The following DPP10 variants were observed in gnomAD, a reference collection of about 807,000 sequenced individuals.
DPP10 encodes the protein inactive dipeptidyl peptidase 10.
In DPP10, 33 loss-of-function variants were observed where a neutral mutation model predicts 120.9. The observed-to-expected ratio is 0.27, with a 90% CI of 0.21 to 0.37. The LOEUF is 0.37. Ranked by LOEUF, DPP10 falls within the 10% of genes least tolerant of loss-of-function variation. The pLI is 1.00. For synonymous variants in DPP10, 337 were observed against 326.1 expected (o/e 1.03, Z -0.36); for missense variants, 816 against 942.8 (o/e 0.87, Z 1.76).
At chr2:115,101,077 T>A (rs2048670921) in intron 1 of DPP10, among the ~76,000 whole-genome samples, 1 of 152,174 alleles carries the variant, frequency 6.6e-6, no homozygotes, top group Non-Finnish European at 1.5e-5. Context: ...CCACCAGTCA[T>A]ATTTGTCCTC....
chr2:115,073,402 C>T (rs1370636479), intron 1 of DPP10, among the ~76,000 whole-genome samples: 4 of 152,166 alleles, frequency 2.6e-5, no homozygotes, highest in Admixed American at 6.5e-5. Flanking sequence ...GCCTGCCTGT[C>T]GCTAGGCGCA....
chr2:115,311,217 C>A lies in DPP10; in HGVS notation c.175+1864C>A, dbSNP rs559889710. Among the ~76,000 whole-genome samples the A allele has an allele frequency of 9.8e-5, 15 of 152,306 alleles. 1 individual carries two copies. In the South Asian group the frequency reaches 3.1e-3, roughly 32 times the overall value. On this transcript the variant is annotated intron_variant, in intron 2 of 25. Coordinates refer to ENST00000410059, the MANE Select transcript of DPP10 (RefSeq NM_020868.6). The stretch of plus-strand genomic sequence containing the variant: ...AATTTGGCAAGTTATTTAACCTTCT[C>A]TCTCACTTTACTCATCTGCATGATG...
chr2:115,049,964 T>A lies in DPP10; in HGVS notation c.61-259275T>A, dbSNP rs545856022. Among the ~76,000 whole-genome samples, 4 of 152,222 alleles carry A rather than the reference T, an allele frequency of 2.6e-5. No homozygotes were observed. The South Asian group carries it at 8.3e-4, about 32-fold the overall frequency. Reference sequence around the variant, plus strand: ...AATGAAGATTGGCTCACCTATCAGGTTATAATAATTTTTTTAACCACAACA... The same window carrying A: ...AATGAAGATTGGCTCACCTATCAGGATATAATAATTTTTTTAACCACAACA... On this transcript the variant is annotated intron_variant, in intron 1 of 25. Transcript: ENST00000410059.
chr2:115,522,668 A>G (rs964612608), intron 4 of DPP10, among the ~76,000 whole-genome samples: 2 of 152,156 alleles, frequency 1.3e-5, no homozygotes, highest in Non-Finnish European at 2.9e-5. Flanking sequence ...ATGCATTTTT[A>G]TGCCCTTTGT....
intron 1 of DPP10, among the ~76,000 whole-genome samples, chr2:114,570,836 T>TAAAAA (rs58796386): frequency 0.074 from 3,359 of 45,330 alleles, 1 homozygote; most frequent in Non-Finnish European, 0.12. Flanking sequence ...CTGTCTCAAA[T>TAAAAA]AAAAAAAAAA....
intron 1 of DPP10, among the ~76,000 whole-genome samples, chr2:114,519,759 G>T (rs1353594304): frequency 6.6e-6 from 1 of 152,140 alleles, no homozygotes; most frequent in Non-Finnish European, 1.5e-5. Context: ...CATCCACATA[G>T]CTGCATTGCC....
At chr2:114,994,457 G>A (rs151021137) in intron 1 of DPP10, among the ~76,000 whole-genome samples, 3 of 152,190 alleles carry the variant, frequency 2.0e-5, no homozygotes, top group African/African-American at 7.2e-5. Flanking sequence ...TTGATTGCCT[G>A]TGCTCATCCA....
intron 3 of DPP10, among the ~76,000 whole-genome samples, chr2:115,378,431 A>G (rs946729672): frequency 6.6e-6 from 1 of 151,636 alleles, no homozygotes; most frequent in African/African-American, 2.4e-5. Flanking sequence ...TAAGTTGCTT[A>G]TCAGCTTAAG....
intron 7 of DPP10, among the ~76,000 whole-genome samples, chr2:115,700,886 T>C (rs1323292771): frequency 6.6e-6 from 1 of 152,030 alleles, no homozygotes; most frequent in Admixed American, 6.6e-5. Flanking sequence ...CTCAGTCAAA[T>C]AGATGAAAGA....
chr2:115,368,569 T>G (rs1055974044), intron 3 of DPP10, among the ~76,000 whole-genome samples: 1 of 152,054 alleles, frequency 6.6e-6, no homozygotes, highest in African/African-American at 2.4e-5. Context: ...GTTTGCAGTA[T>G]TTAAATTAAA....
chr2:114,992,312 A>G (rs1574649037), intron 1 of DPP10, among the ~76,000 whole-genome samples: 1 of 152,270 alleles, frequency 6.6e-6, no homozygotes, highest in East Asian at 1.9e-4. Context: ...AATGTTAGAC[A>G]TCCCTCTAGT....
intron 5 of DPP10, among the ~76,000 whole-genome samples, chr2:115,661,802 C>T (rs1251399640): frequency 6.6e-6 from 1 of 152,156 alleles, no homozygotes; most frequent in African/African-American, 2.4e-5. Context: ...CATTATGAAA[C>T]ACTCAATTAC....
intron 1 of DPP10, among the ~76,000 whole-genome samples, chr2:115,227,498 A>G (rs2057493196): frequency 6.6e-6 from 1 of 152,198 alleles, no homozygotes; most frequent in Non-Finnish European, 1.5e-5. Context: ...GAGTTTTGGC[A>G]GCTATATATA....
intron 1 of DPP10, among the ~76,000 whole-genome samples, chr2:114,677,921 AAT>A (rs1408204289): frequency 2.0e-5 from 3 of 152,162 alleles, no homozygotes; most frequent in Admixed American, 6.6e-5. Flanking sequence ...CCCAACCACC[AAT>A]ATGTTTTACA....
chr2:115,662,335 A>C (rs1428422490), intron 5 of DPP10, among the ~76,000 whole-genome samples: 1 of 152,180 alleles, frequency 6.6e-6, no homozygotes, highest in East Asian at 1.9e-4. Flanking sequence ...ACAGTTGTGC[A>C]TAGATCTCTT....
chr2:114,997,114 A>G (rs1558969281), intron 1 of DPP10, among the ~76,000 whole-genome samples: 1 of 152,004 alleles, frequency 6.6e-6, no homozygotes, highest in Admixed American at 6.6e-5. Context: ...TGTTATTCCA[A>G]TATAAAAAGG....
chr2:115,178,425 A>G (rs569502044), intron 1 of DPP10, among the ~76,000 whole-genome samples: 3 of 152,332 alleles, frequency 2.0e-5, no homozygotes, highest in African/African-American at 7.2e-5. Context: ...GAGAACAACA[A>G]ACTAACTTGC....
chr2:115,010,008 T>A (rs1702146652), intron 1 of DPP10, among the ~76,000 whole-genome samples: 1 of 152,194 alleles, frequency 6.6e-6, no homozygotes, highest in Non-Finnish European at 1.5e-5. Context: ...TTTGTTAAAA[T>A]AAAACATAAT....
chr2:114,852,627 G>A lies in DPP10; in HGVS notation c.60+409789G>A, dbSNP rs114680837. On this transcript the variant is annotated intron_variant, in intron 1 of 25. Transcript: ENST00000410059. ...ATCTGTGGATTTCAGTTTCCGCGGC[G>A]GGGGCGGGGGTCTGAAACCAATCCT... is the stretch of plus-strand genomic sequence containing the variant. Among the ~76,000 whole-genome samples, 550 of 152,110 alleles carry A rather than the reference G, an allele frequency of 3.6e-3. 2 individuals are homozygous for A. Among genetic ancestry groups the A allele is most frequent in the African/African-American group, 0.013 (521 of 41,490 alleles).
Sources: allele counts gnomAD v4.1 joint callset (sites outside exome capture counted in the v4.1 genomes callset), GRCh38; gene constraint gnomAD v4.1.1; transcripts MANE v1.5; gene names NCBI Gene and HGNC (gene_info 2026-07-23, HGNC 2026-07-21).